Variants in PDE4D observed in about 807,000 individuals in gnomAD.
PDE4D encodes the protein 3',5'-cyclic-AMP phosphodiesterase 4D.
PDE4D carries 24 observed loss-of-function variants against 87.4 expected under a neutral mutation model. The observed-to-expected ratio is 0.27, with a 90% CI of 0.20 to 0.39. The LOEUF (loss-of-function observed/expected upper bound fraction) is 0.39, where lower values mean the gene tolerates loss of function less well. Among genes scored for constraint, PDE4D ranks in the 10% least tolerant of loss-of-function variants. The pLI is 1.00. For synonymous variants in PDE4D, 384 were observed against 383.2 expected (o/e 1.00, Z -0.02); for missense variants, 714 against 1,041.0 (o/e 0.69, Z 4.32).
intron 1 of PDE4D, among the ~76,000 whole-genome samples, chr5:59,478,524 C>T (rs1803700064): frequency 6.6e-6 from 1 of 152,034 alleles, no homozygotes; most frequent in South Asian, 2.1e-4. Flanking sequence ...ATCATTGTAT[C>T]TTCTTTTTAA....
intron 1 of PDE4D, among the ~76,000 whole-genome samples, chr5:60,468,972 G>A (rs1374573863): frequency 6.6e-6 from 1 of 152,148 alleles, no homozygotes; most frequent in East Asian, 1.9e-4. Context: ...CCTCCTGGAT[G>A]ACCAAGACAA....
intron 1 of PDE4D, among the ~76,000 whole-genome samples, chr5:60,245,300 G>C (rs1161603862): frequency 5.3e-5 from 8 of 152,010 alleles, no homozygotes; most frequent in African/African-American, 1.9e-4. Flanking sequence ...TGGCGAGGAT[G>C]TGAAGAAAAT....
At chr5:59,219,168 C>T (rs1184851506) in intron 1 of PDE4D, among the ~76,000 whole-genome samples, 1 of 145,516 alleles carries the variant, frequency 6.9e-6, no homozygotes, top group South Asian at 2.2e-4. Flanking sequence ...ACAATGTGCA[C>T]ATGTACCCTA....
intron 1 of PDE4D, among the ~76,000 whole-genome samples, chr5:60,262,142 A>G (rs1749709536): frequency 6.6e-6 from 1 of 152,156 alleles, no homozygotes. Flanking sequence ...TTTGGCAATA[A>G]CTATGACTGA....
At chr5:59,536,027 C>T (rs1328460563) in intron 1 of PDE4D, among the ~76,000 whole-genome samples, 1 of 152,098 alleles carries the variant, frequency 6.6e-6, no homozygotes, top group South Asian at 2.1e-4. Context: ...TGATCTCTTC[C>T]AAGACTTAAA....
intron 5 of PDE4D, among the ~76,000 whole-genome samples, chr5:59,165,656 G>A (rs1171007359): frequency 1.3e-5 from 2 of 152,180 alleles, no homozygotes; most frequent in Admixed American, 6.5e-5. Flanking sequence ...CAAAAGTGAG[G>A]AATTTCAGGC....
chr5:60,360,702 T>C (rs1759989266), intron 1 of PDE4D, among the ~76,000 whole-genome samples: 1 of 152,218 alleles, frequency 6.6e-6, no homozygotes, highest in South Asian at 2.1e-4. Context: ...GGTCTTCTTT[T>C]GTCATTTTAT....
chr5:60,161,412 T>C (rs776986444), intron 2 of PDE4D, among the ~76,000 whole-genome samples: 2 of 152,092 alleles, frequency 1.3e-5, no homozygotes, highest in Non-Finnish European at 2.9e-5. Context: ...CCACTGAGAG[T>C]TTAGACTATA....
At chr5:60,075,788 T>G (rs779031508) in intron 2 of PDE4D, among the ~76,000 whole-genome samples, 1 of 152,172 alleles carries the variant, frequency 6.6e-6, no homozygotes, top group East Asian at 1.9e-4. Context: ...TTTCCTCAGG[T>G]TGGTCTATTC....
At chr5:59,238,744 A>G (rs1291865151) in intron 1 of PDE4D, among the ~76,000 whole-genome samples, 1 of 152,186 alleles carries the variant, frequency 6.6e-6, no homozygotes, top group Non-Finnish European at 1.5e-5. Flanking sequence ...TCAAAAGTCA[A>G]ACTGTAATAA....
chr5:60,474,038 T>A (rs1748073758), intron 1 of PDE4D, among the ~76,000 whole-genome samples: 1 of 145,812 alleles, frequency 6.9e-6, no homozygotes, highest in East Asian at 2.0e-4. Flanking sequence ...AGTTGGAATT[T>A]TTTTATCTTC....
intron 1 of PDE4D, among the ~76,000 whole-genome samples, chr5:59,450,552 C>A (rs1486932845): frequency 6.6e-6 from 1 of 152,166 alleles, no homozygotes; most frequent in Non-Finnish European, 1.5e-5. Context: ...ACTGTGCACA[C>A]ATTTTTAAAT....
intron 6 of PDE4D, among the ~76,000 whole-genome samples, chr5:59,022,151 C>T (rs1232480728): frequency 6.6e-6 from 1 of 152,196 alleles, no homozygotes; most frequent in Non-Finnish European, 1.5e-5. Context: ...GTCTGTTCTT[C>T]CTTAAACATT....
chr5:59,291,647 T>A (rs1176478394), intron 1 of PDE4D, among the ~76,000 whole-genome samples: 1 of 151,974 alleles, frequency 6.6e-6, no homozygotes, highest in African/African-American at 2.4e-5. Context: ...CATGATGTGA[T>A]TATTATGCAT....
At chr5:60,329,405 G>T (rs1757113202) in intron 1 of PDE4D, among the ~76,000 whole-genome samples, 1 of 152,086 alleles carries the variant, frequency 6.6e-6, no homozygotes, top group South Asian at 2.1e-4. Context: ...CATGATTGTA[G>T]GTTTCCTGAG....
intron 1 of PDE4D, among the ~76,000 whole-genome samples, chr5:60,429,500 A>G (rs888944908): frequency 3.9e-5 from 6 of 152,028 alleles, no homozygotes; most frequent in African/African-American, 2.4e-5. Context: ...TTCCAATACT[A>G]TGTTAAATAG....
chr5:59,795,774 C>T (rs975394296), intron 1 of PDE4D, among the ~76,000 whole-genome samples: 1 of 152,170 alleles, frequency 6.6e-6, no homozygotes, highest in African/African-American at 2.4e-5. Context: ...GCTGAAGTTC[C>T]AACCCCAGTA....
chr5:59,634,910 G>A (rs1349742539), intron 1 of PDE4D, among the ~76,000 whole-genome samples: 2 of 152,102 alleles, frequency 1.3e-5, no homozygotes, highest in Admixed American at 6.5e-5. Context: ...AGGAGACAGA[G>A]ACAGAAAAAA....
intron 5 of PDE4D, among the ~76,000 whole-genome samples, chr5:59,097,923 T>C (rs1770032158): frequency 6.6e-6 from 1 of 152,132 alleles, no homozygotes; most frequent in South Asian, 2.1e-4. Context: ...CATAATCACA[T>C]TGCAATGACA....
Sources: gnomAD v4.1 joint callset for allele counts (sites outside exome capture counted in the v4.1 genomes callset) on GRCh38, gnomAD v4.1.1 for gene constraint, MANE v1.5 for transcripts, NCBI Gene and HGNC (gene_info 2026-07-23, HGNC 2026-07-21) for gene names.